DRC1: variants seen among roughly 807,000 people sequenced by gnomAD.
DRC1 encodes the protein dynein regulatory complex protein 1.
DRC1 carries 74 observed loss-of-function variants against 98.7 expected under a neutral mutation model. The ratio of observed to expected loss-of-function variants is 0.75; its 90% CI spans 0.62 to 0.91. DRC1 has a LOEUF of 0.91. Ranked by LOEUF, DRC1 falls within the 40% of genes least tolerant of loss-of-function variation. DRC1 has a pLI of 0.00. For missense variants in DRC1, 875 were observed against 886.0 expected (o/e 0.99, Z 0.16); for synonymous variants, 336 against 334.1 (o/e 1.01, Z -0.06).
intron 3 of DRC1, among the ~76,000 whole-genome samples, chr2:26,423,272 C>T (rs1413120785): frequency 6.6e-6 from 1 of 151,066 alleles, no homozygotes; most frequent in Non-Finnish European, 1.5e-5. Context: ...ACAGCTCTTT[C>T]TCATTTCTTG....
intron 1 of DRC1, among the ~76,000 whole-genome samples, chr2:26,407,775 T>A (rs908242177): frequency 6.6e-6 from 1 of 152,086 alleles, no homozygotes; most frequent in Non-Finnish European, 1.5e-5. Context: ...ACTGCACAGA[T>A]CCTGGACTTG....
chr2:26,431,973 CATG>C lies in DRC1; in HGVS notation c.858_860del (p.Met286del), dbSNP rs1558445411. 6.2e-7 allele frequency: 1 copy of C among 1,614,166 alleles called. No homozygotes were observed. Among genetic ancestry groups the C allele is most frequent in the Non-Finnish European group, 8.5e-7 (1 of 1,180,008 alleles). ...GGATCTGGGATTGCGAAGAATACAA[CATG>C]ATCAAGATCAAGCTGGAGCAGGATG... is the stretch of plus-strand genomic sequence containing the variant. On this transcript the variant is annotated inframe_deletion, in exon 7 of 17. Coordinates refer to ENST00000288710, the MANE Select transcript of DRC1 (RefSeq NM_145038.5).
intron 4 of DRC1, among the ~76,000 whole-genome samples, chr2:26,429,417 A>G (rs1383014534): frequency 6.6e-6 from 1 of 151,746 alleles, no homozygotes; most frequent in Admixed American, 6.6e-5. Context: ...GAGTTTTGCC[A>G]TACTACCCGG....
chr2:26,407,902 G>A (rs1236117781), intron 1 of DRC1, among the ~76,000 whole-genome samples: 1 of 152,182 alleles, frequency 6.6e-6, no homozygotes. Context: ...GCACATGTAA[G>A]CCTAATGCAC....
intron 3 of DRC1, among the ~76,000 whole-genome samples, chr2:26,423,988 C>A (rs1220548230): frequency 6.6e-6 from 1 of 152,108 alleles, no homozygotes; most frequent in African/African-American, 2.4e-5. Context: ...ACCAATCGAT[C>A]TTGGTGTGTG....
chr2:26,402,760 C>T (rs528199787), intron 1 of DRC1, among the ~76,000 whole-genome samples: 1 of 152,328 alleles, frequency 6.6e-6, no homozygotes, highest in Admixed American at 6.5e-5. Flanking sequence ...ACATGGCAGT[C>T]CCTGGGCCTT....
chr2:26,413,209 A>G (rs1224260221), intron 1 of DRC1, among the ~76,000 whole-genome samples: 1 of 152,238 alleles, frequency 6.6e-6, no homozygotes, highest in Non-Finnish European at 1.5e-5. Flanking sequence ...TGTAGGCTAC[A>G]AAGTATTTCT....
intron 7 of DRC1, among the ~76,000 whole-genome samples, chr2:26,432,376 G>A (rs539473015): frequency 6.6e-6 from 1 of 152,232 alleles, no homozygotes; most frequent in Non-Finnish European, 1.5e-5. Flanking sequence ...GCACACACCT[G>A]TAGTCCCAGC....
At chr2:26,414,777 T>C (rs185842240) in intron 2 of DRC1, among the ~76,000 whole-genome samples, 99 of 152,312 alleles carry the variant, frequency 6.5e-4, no homozygotes, top group African/African-American at 2.3e-3. Flanking sequence ...CCTTCCACTT[T>C]GGTGAGGCGG....
At chr2:26,437,760 T>G (rs1169578698) in intron 7 of DRC1, among the ~76,000 whole-genome samples, 2 of 152,042 alleles carry the variant, frequency 1.3e-5, no homozygotes, top group East Asian at 3.8e-4. Context: ...GGTAAATTAT[T>G]ATGACATGGT....
chr2:26,450,556 G>C (rs200156352), intron 12 of DRC1, 36 bp from the exon 13 acceptor site: 3 of 1,596,002 alleles, frequency 1.9e-6, no homozygotes, highest in Non-Finnish European at 2.6e-6. Context: ...GCCTCTTGAT[G>C]GGGTGTTTGA....
At chr2:26,427,365 C>T (rs937923197) in intron 4 of DRC1, among the ~76,000 whole-genome samples, 3 of 152,158 alleles carry the variant, frequency 2.0e-5, no homozygotes, top group Non-Finnish European at 4.4e-5. Flanking sequence ...ACCCACCCAC[C>T]TCCACCTTCC....
chr2:26,425,722 T>G (rs1663266435), intron 4 of DRC1, among the ~76,000 whole-genome samples: 1 of 152,236 alleles, frequency 6.6e-6, no homozygotes, highest in Admixed American at 6.5e-5. Flanking sequence ...ATATCATCTT[T>G]GGAGAAATGT....
chr2:26,416,610 G>C (rs1320165535), intron 2 of DRC1, among the ~76,000 whole-genome samples: 1 of 152,120 alleles, frequency 6.6e-6, no homozygotes, highest in East Asian at 1.9e-4. Flanking sequence ...TAAGGGTAGG[G>C]TTCCAGGTTC....
At chr2:26,455,558 G>A (rs1664131037) in intron 16 of DRC1, among the ~76,000 whole-genome samples, 1 of 152,208 alleles carries the variant, frequency 6.6e-6, no homozygotes, top group Admixed American at 6.5e-5. Context: ...CTCCAGCTGT[G>A]CTCTCTTCTT....
In DRC1 at chr2:26,454,697, AG is replaced by A. The variant is rs1409502181; in HGVS notation, c.1972del (p.Asp658ThrfsTer8). On this transcript the variant is annotated frameshift_variant, in exon 15 of 17. Coordinates refer to ENST00000288710, the MANE Select transcript of DRC1 (RefSeq NM_145038.5). LOFTEE classifies it high-confidence loss of function. This position sits in a 1 kb window ranked among gnomAD's most constrained non-coding sequence, Gnocchi z 5.2. ...RVQKNVRDNS[K>X]DSEYWQALTT... ...CAGAAGAATGTGCGTGACAACTCCA[AG>A]GACTCGGAGTACTGGCAGGCCCTGA... is the stretch of plus-strand genomic sequence containing the variant. 2 of 1,614,030 alleles carry A rather than the reference AG, an allele frequency of 1.2e-6. No individual in the cohort carries two copies. The highest frequency in any genetic ancestry group is 2.7e-5 in the African/African-American group (2 of 74,896).
chr2:26,455,171 A>T lies in DRC1; in HGVS notation c.2104A>T (p.Ser702Cys), dbSNP rs769945578. 1.2e-6 allele frequency: 2 copies of T among 1,614,076 alleles called. No individual in the cohort carries two copies. The highest frequency in any genetic ancestry group is 1.7e-6 in the Non-Finnish European group (2 of 1,180,020). Residue 702 changes from serine (S) to cysteine (C), a missense_variant, in exon 16 of 17, where the codon AGT becomes TGT. Coordinates refer to ENST00000288710, the MANE Select transcript of DRC1 (RefSeq NM_145038.5). Reference sequence around the variant, plus strand: ...GAGGGCCAAGCTGCTGCTGGAAAACAGTTCTCTGGAGCAGCAGAACACAGA... The same window carrying T: ...GAGGGCCAAGCTGCTGCTGGAAAACTGTTCTCTGGAGCAGCAGAACACAGA... ...TQRAKLLLENSSLEQQNTELQ... is the reference protein window; with the variant it reads ...TQRAKLLLENCSLEQQNTELQ...
At chr2:26,421,849 C>T (rs1241822433) in intron 3 of DRC1, among the ~76,000 whole-genome samples, 5 of 152,186 alleles carry the variant, frequency 3.3e-5, no homozygotes, top group African/African-American at 4.8e-5. Context: ...CGTGAGCCAC[C>T]GCGCCCGGCT....
At chr2:26,435,636 T>C (rs1407335287) in intron 7 of DRC1, among the ~76,000 whole-genome samples, 1 of 152,212 alleles carries the variant, frequency 6.6e-6, no homozygotes, top group Non-Finnish European at 1.5e-5. Context: ...TGTGTTCTCA[T>C]TGGTCCCACT....
Sources: gnomAD v4.1 joint callset for allele counts (sites outside exome capture counted in the v4.1 genomes callset) on GRCh38, gnomAD v4.1.1 for gene constraint, Gnocchi (gnomAD v3.1) non-coding constraint, MANE v1.5 for transcripts, NCBI Gene and HGNC (gene_info 2026-07-23, HGNC 2026-07-21) for gene names.